RASAL2: variants seen among roughly 807,000 people sequenced by gnomAD.
RASAL2 encodes the protein ras GTPase-activating protein nGAP.
RASAL2 carries 58 observed loss-of-function variants against 128.9 expected under a neutral mutation model. The ratio of observed to expected loss-of-function variants is 0.45; its 90% CI spans 0.36 to 0.56. The LOEUF (loss-of-function observed/expected upper bound fraction) is 0.56, where lower values mean the gene tolerates loss of function less well. RASAL2 is among the 20% of genes least tolerant of loss of function. The pLI is 0.00. For synonymous variants in RASAL2, 561 were observed against 580.8 expected (o/e 0.97, Z 0.49); for missense variants, 1,360 against 1,601.6 (o/e 0.85, Z 2.57).
chr1:178,251,902 T>A (rs1428565611), intron 1 of RASAL2, among the ~76,000 whole-genome samples: 1 of 152,226 alleles, frequency 6.6e-6, no homozygotes. Flanking sequence ...TTAACTATTT[T>A]AAATTAGCTA....
chr1:178,164,820 CGTTTGT>C (rs1661463460), intron 1 of RASAL2, among the ~76,000 whole-genome samples: 1 of 95,288 alleles, frequency 1.0e-5, no homozygotes, highest in African/African-American at 4.2e-5. Context: ...GTTCATCAAA[CGTTTGT>C]GTGTGTGTGT....
At chr1:178,162,527 TA>T (rs2101897332) in intron 1 of RASAL2, among the ~76,000 whole-genome samples, 1 of 116,020 alleles carries the variant, frequency 8.6e-6, no homozygotes, top group South Asian at 2.5e-4. Flanking sequence ...ATATAAAGTA[TA>T]ATATATCTTT....
chr1:178,347,028 AT>A (rs1458069057), intron 3 of RASAL2, among the ~76,000 whole-genome samples: 2 of 152,164 alleles, frequency 1.3e-5, no homozygotes, highest in Non-Finnish European at 2.9e-5. Context: ...ATGGAAGGGT[AT>A]TTAAAACCAG....
chr1:178,468,982 A>G lies in RASAL2; in HGVS notation c.3678+1561A>G, dbSNP rs78344417. On this transcript the variant is annotated intron_variant, in intron 17 of 17. Transcript: ENST00000367649. ...TACTAAGAGATAAAACAGACTTTTT[A>G]AATAATTTCAGCTGGTTTAAAAGTA... Among the ~76,000 whole-genome samples the G allele has an allele frequency of 1.5e-4, 23 of 152,348 alleles. No individual in the cohort carries two copies. The East Asian group carries it at 2.9e-3, about 19-fold the overall frequency.
At position 178,148,433 on chromosome 1, in the gene RASAL2, C is replaced by CTTATTTATTTATTTAT. The variant is rs543499669; in HGVS notation, c.202+53754_202+53769dup. 9.0e-3 allele frequency among the ~76,000 whole-genome samples: 1,357 copies of CTTATTTATTTATTTAT among 151,152 alleles called. 17 individuals are homozygous for CTTATTTATTTATTTAT. The highest frequency in any genetic ancestry group is 0.031 in the African/African-American group (1,265 of 40,834). ...CTTAATGTGGTTAATCTATTTCATTCTTATTTATTTATTTATTTATTTATT... is the reference window on the plus strand; with the variant it reads ...CTTAATGTGGTTAATCTATTTCATTCTTATTTATTTATTTATTTATTTATTTATTTATTTATTTATT... On this transcript the variant is annotated intron_variant, in intron 1 of 17. Coordinates refer to ENST00000367649, the MANE Select transcript of RASAL2 (RefSeq NM_170692.4).
intron 5 of RASAL2, among the ~76,000 whole-genome samples, chr1:178,435,397 G>C (rs1676190322): frequency 6.6e-6 from 1 of 152,014 alleles, no homozygotes; most frequent in Non-Finnish European, 1.5e-5. Context: ...TTCTTCACCA[G>C]TGTATCTGCT....
chr1:178,397,155 T>C (rs1673290053), intron 4 of RASAL2, among the ~76,000 whole-genome samples: 1 of 152,142 alleles, frequency 6.6e-6, no homozygotes, highest in Non-Finnish European at 1.5e-5. Context: ...AAAATATATG[T>C]CCACATAAAA....
chr1:178,428,641 G>C (rs929527269), intron 5 of RASAL2, among the ~76,000 whole-genome samples: 1 of 151,820 alleles, frequency 6.6e-6, no homozygotes, highest in Admixed American at 6.6e-5. Flanking sequence ...TCAGGCTAGC[G>C]TGCAGTGGTG....
chr1:178,188,460 C>T (rs1662384517), intron 1 of RASAL2, among the ~76,000 whole-genome samples: 1 of 152,012 alleles, frequency 6.6e-6, no homozygotes, highest in African/African-American at 2.4e-5. Context: ...AAAGTTGTTT[C>T]ATATATTTTG....
At chr1:178,259,036 T>C (rs1240857036) in intron 1 of RASAL2, among the ~76,000 whole-genome samples, 7 of 151,322 alleles carry the variant, frequency 4.6e-5, no homozygotes, top group Non-Finnish European at 8.8e-5. Context: ...ATCCAGACTA[T>C]GGAAATATAG....
intron 1 of RASAL2, among the ~76,000 whole-genome samples, chr1:178,160,165 A>G (rs571850941): frequency 1.2e-4 from 18 of 152,246 alleles, no homozygotes; most frequent in African/African-American, 4.1e-4. Flanking sequence ...GTAGTTTTAC[A>G]AACTACAATA....
chr1:178,122,585 G>T (rs1659755935), intron 1 of RASAL2, among the ~76,000 whole-genome samples: 1 of 152,204 alleles, frequency 6.6e-6, no homozygotes, highest in Non-Finnish European at 1.5e-5. Context: ...GAAAATAAAT[G>T]AAGACTGATT....
intron 1 of RASAL2, among the ~76,000 whole-genome samples, chr1:178,230,764 A>G (rs570530608): frequency 9.8e-4 from 149 of 152,196 alleles, no homozygotes; most frequent in Non-Finnish European, 1.0e-3. Context: ...CCAAGTGGAC[A>G]TCTTGGAGGA....
In RASAL2 at chr1:178,371,442, C is replaced by T. The variant is rs977747700; in HGVS notation, c.458-18658C>T. On this transcript the variant is annotated intron_variant, in intron 3 of 17. Coordinates refer to ENST00000367649, the MANE Select transcript of RASAL2 (RefSeq NM_170692.4). Reference sequence around the variant, plus strand: ...GAAGCCCAGAATTGCCCCCAAGTTCCGACCACCAGCTCGAATTCTTATGAA... The same window carrying T: ...GAAGCCCAGAATTGCCCCCAAGTTCTGACCACCAGCTCGAATTCTTATGAA... Among the ~76,000 whole-genome samples the T allele has an allele frequency of 7.9e-5, 12 of 151,902 alleles. No individual in the cohort carries two copies. The South Asian group carries it at 1.0e-3, about 13-fold the overall frequency.
At chr1:178,410,789 T>C (rs1326857533) in intron 4 of RASAL2, among the ~76,000 whole-genome samples, 3 of 151,940 alleles carry the variant, frequency 2.0e-5, no homozygotes, top group Non-Finnish European at 4.4e-5. Context: ...TCACTAATTA[T>C]CAGGGAAATG....
At chr1:178,417,624 G>A (rs1350613614) in intron 4 of RASAL2, among the ~76,000 whole-genome samples, 1 of 151,806 alleles carries the variant, frequency 6.6e-6, no homozygotes, top group Non-Finnish European at 1.5e-5. Context: ...AGCCAGGTGT[G>A]TAATTCCAAC....
At chr1:178,156,078 A>G (rs1169789280) in intron 1 of RASAL2, among the ~76,000 whole-genome samples, 1 of 152,176 alleles carries the variant, frequency 6.6e-6, no homozygotes, top group African/African-American at 2.4e-5. Flanking sequence ...CACAGCTGGG[A>G]GCTTGTAATT....
intron 4 of RASAL2, among the ~76,000 whole-genome samples, chr1:178,400,896 A>G (rs1290199409): frequency 6.6e-6 from 1 of 152,154 alleles, no homozygotes; most frequent in African/African-American, 2.4e-5. Flanking sequence ...GATTACAAGC[A>G]CATGCCACCA....
At chr1:178,253,949 A>G (rs913821759) in intron 1 of RASAL2, among the ~76,000 whole-genome samples, 55 of 152,228 alleles carry the variant, frequency 3.6e-4, no homozygotes, top group African/African-American at 1.1e-3. Flanking sequence ...TCAAAGAGAC[A>G]AATCCGATCC....
Sources: gnomAD v4.1 joint callset for allele counts (sites outside exome capture counted in the v4.1 genomes callset) on GRCh38, gnomAD v4.1.1 for gene constraint, MANE v1.5 for transcripts, NCBI Gene and HGNC (gene_info 2026-07-23, HGNC 2026-07-21) for gene names.